FBXW10B: variants seen among roughly 807,000 people sequenced by gnomAD.
FBXW10B encodes the protein F-box and WD repeat domain containing protein 10B.
At chr17:15,607,672 G>T in the FBXW10B span, 196 of 1,613,274 alleles carry the variant, frequency 1.2e-4, no homozygotes, top group Non-Finnish European at 1.5e-4. Context: ...CAGTCCACAG[G>T]TTGTACTCAT....
the FBXW10B span, among the ~76,000 whole-genome samples, chr17:15,608,633 T>C: frequency 2.2e-3 from 335 of 152,072 alleles, 3 homozygotes; most frequent in African/African-American, 6.2e-3. Flanking sequence ...TTTGTATTTT[T>C]AGTAGCGACG....
chr17:15,594,876 G>A, the FBXW10B span: 530 of 1,611,506 alleles, frequency 3.3e-4, 1 homozygote, highest in African/African-American at 1.9e-3. Flanking sequence ...CAGCTCCCTC[G>A]TGGCCACTGA....
chr17:15,594,968 A>G, the FBXW10B span: 4 of 1,583,002 alleles, frequency 2.5e-6, no homozygotes, highest in South Asian at 4.6e-5. Context: ...CTTCAGATGA[A>G]TCCCAAAGCC....
the FBXW10B span, among the ~76,000 whole-genome samples, chr17:15,592,494 A>T: frequency 6.6e-6 from 1 of 151,824 alleles, no homozygotes; most frequent in Admixed American, 6.6e-5. Context: ...CTATTTGGTT[A>T]TTTTCATATA....
At chr17:15,618,311 G>A in the FBXW10B span, among the ~76,000 whole-genome samples, 1 of 152,026 alleles carries the variant, frequency 6.6e-6, no homozygotes, top group Non-Finnish European at 1.5e-5. Context: ...CTGGGTGACA[G>A]CGAGACTCCA....
At chr17:15,615,860 G>A in the FBXW10B span, 10 of 1,612,900 alleles carry the variant, frequency 6.2e-6, no homozygotes, top group South Asian at 1.1e-4. Flanking sequence ...GGTGTGTTGA[G>A]GAAAATGAGG....
At chr17:15,607,561 C>T in the FBXW10B span, 3 of 1,609,670 alleles carry the variant, frequency 1.9e-6, no homozygotes, top group Non-Finnish European at 2.5e-6. Context: ...CAGATTCTGA[C>T]CCCAGTACCT....
the FBXW10B span, among the ~76,000 whole-genome samples, chr17:15,609,838 C>CTCTTTCTT: frequency 3.0e-5 from 4 of 133,898 alleles, no homozygotes; most frequent in Non-Finnish European, 6.2e-5. Flanking sequence ...CCTTTTCTCT[C>CTCTTTCTT]TCTTTCTTTC....
At chr17:15,611,692 G>A in the FBXW10B span, among the ~76,000 whole-genome samples, 712 of 152,222 alleles carry the variant, frequency 4.7e-3, 6 homozygotes, top group African/African-American at 0.016. Flanking sequence ...TATGGGAAGC[G>A]ACAGTCAAAC....
chr17:15,570,581 G>A, the FBXW10B span, among the ~76,000 whole-genome samples: 1 of 152,186 alleles, frequency 6.6e-6, no homozygotes, highest in African/African-American at 2.4e-5. Flanking sequence ...TGTTGTTCTG[G>A]AGCTCCTGAC....
chr17:15,605,073 C>A, the FBXW10B span: 1 of 1,469,994 alleles, frequency 6.8e-7, no homozygotes, highest in Admixed American at 2.8e-5. Context: ...TTTTTCCTTG[C>A]CAAAAAAAAA....
At chr17:15,566,722 G>A in the FBXW10B span, among the ~76,000 whole-genome samples, 568 of 151,292 alleles carry the variant, frequency 3.8e-3, 4 homozygotes, top group Admixed American at 7.4e-3. Flanking sequence ...CACCATGCCC[G>A]GCTAATTTTT....
the FBXW10B span, among the ~76,000 whole-genome samples, chr17:15,567,340 AAG>A: frequency 2.6e-5 from 4 of 151,886 alleles, no homozygotes; most frequent in Non-Finnish European, 5.9e-5. Context: ...CAAACTCAAA[AAG>A]AGAATTTTTC....
the FBXW10B span, chr17:15,589,108 C>G: frequency 2.6e-6 from 4 of 1,567,220 alleles, no homozygotes; most frequent in African/African-American, 2.9e-5. Flanking sequence ...GATGTGGAGT[C>G]TCACATGAGC....
At chr17:15,567,257 G>C in the FBXW10B span, among the ~76,000 whole-genome samples, 1 of 142,542 alleles carries the variant, frequency 7.0e-6, no homozygotes, top group Admixed American at 7.1e-5. Flanking sequence ...GGGCAACAGA[G>C]CGAGACTCCA....
At chr17:15,569,993 C>G in the FBXW10B span, among the ~76,000 whole-genome samples, 1 of 152,172 alleles carries the variant, frequency 6.6e-6, no homozygotes, top group Non-Finnish European at 1.5e-5. Flanking sequence ...ATGCTCTTGT[C>G]ACACGAACAG....
chr17:15,601,994 C>T, the FBXW10B span, among the ~76,000 whole-genome samples: 4 of 151,852 alleles, frequency 2.6e-5, no homozygotes, highest in Admixed American at 2.0e-4. Context: ...TGCCTGTAGT[C>T]CCAGCTACTC....
the FBXW10B span, chr17:15,594,605 G>A: frequency 1.1e-6 from 1 of 923,344 alleles, no homozygotes. Context: ...GTCCCAGGTG[G>A]AAGAGGAGGG....
the FBXW10B span, among the ~76,000 whole-genome samples, chr17:15,606,716 C>T: frequency 2.6e-5 from 4 of 151,526 alleles, no homozygotes; most frequent in African/African-American, 7.3e-5. Flanking sequence ...GCCCTTATTC[C>T]GTTTGTCATA....
Sources: allele counts gnomAD v4.1 joint callset (sites outside exome capture counted in the v4.1 genomes callset), GRCh38; gene constraint gnomAD v4.1.1; transcripts MANE v1.5; gene names NCBI Gene and HGNC (gene_info 2026-07-23, HGNC 2026-07-21).